Variants in SP140L observed in about 807,000 individuals in gnomAD.
SP140L encodes nuclear body protein SP140-like protein.
Under a neutral mutation model 84.3 loss-of-function variants are expected in SP140L, and 64 were observed. The ratio of observed to expected loss-of-function variants is 0.76; its 90% CI spans 0.62 to 0.94. SP140L has a LOEUF of 0.94. Ranked by LOEUF, SP140L falls within the 40% of genes least tolerant of loss-of-function variation. The probability of loss-of-function intolerance (pLI) is 0.00; values close to 1 mark genes in which losing one functional copy is unlikely to be tolerated. For synonymous variants in SP140L, 242 were observed against 236.9 expected (o/e 1.02, Z -0.20); for missense variants, 628 against 692.5 (o/e 0.91, Z 1.05).
chr2:230,400,557 A>G (rs1444155975), intron 15 of SP140L: 9 of 470,978 alleles, frequency 1.9e-5, no homozygotes, highest in Non-Finnish European at 3.5e-5. Context: ...GAAAAAAAAC[A>G]CCAGTTGTTT....
In SP140L at chr2:230,357,888, T is replaced by C; in HGVS notation, c.191T>C (p.Ile64Thr). 6.2e-7 allele frequency: 1 copy of C among 1,614,078 alleles called. No individual in the cohort carries two copies. The highest frequency in any genetic ancestry group is 1.1e-5 in the South Asian group (1 of 91,074). ...FKHFKRHKLE[I>T]SNAIKKTFPF... ...CACTTCAAAAGACATAAGCTGGAGA[T>C]ATCAAATGCAATAAAAAAGACATTT... The change falls in exon 3 of 19, where the codon ATA (isoleucine) becomes ACA (threonine). Residue 64 changes from isoleucine (I) to threonine (T), a missense_variant. Physicochemically the swap from Ile to Thr is moderately conservative, Grantham distance 89 (BLOSUM62 -1). Transcript: ENST00000415673.
intron 7 of SP140L, 65 bp downstream of exon 7, chr2:230,371,716 C>G: frequency 7.3e-7 from 1 of 1,379,148 alleles, no homozygotes; most frequent in South Asian, 1.2e-5. Flanking sequence ...CCAGAGTTTT[C>G]TTTTTGTCAT....
At chr2:230,364,254 A>G (rs1001365660) in intron 5 of SP140L, among the ~76,000 whole-genome samples, 1 of 152,150 alleles carries the variant, frequency 6.6e-6, no homozygotes, top group African/African-American at 2.4e-5. Context: ...TGTGGATAGT[A>G]TGAACATGTT....
intron 14 of SP140L, among the ~76,000 whole-genome samples, chr2:230,398,400 GA>G (rs1044204305): frequency 3.3e-5 from 5 of 151,758 alleles, no homozygotes; most frequent in Non-Finnish European, 4.4e-5. Context: ...TAAGTTTGGA[GA>G]AAAAAAAGGG....
intron 5 of SP140L, 113 bp from the exon 6 acceptor site, chr2:230,370,795 A>C: frequency 1.1e-6 from 1 of 947,408 alleles, no homozygotes; most frequent in Non-Finnish European, 1.7e-6. Flanking sequence ...ACCAGGGTGC[A>C]GAAAAGAGGG....
At chr2:230,381,422 C>T (rs1055894440) in intron 7 of SP140L, among the ~76,000 whole-genome samples, 2 of 152,162 alleles carry the variant, frequency 1.3e-5, no homozygotes, top group African/African-American at 4.8e-5. Context: ...TACAGAAATG[C>T]CATGGAGAAT....
chr2:230,381,711 TACA>T (rs1450671449), intron 7 of SP140L, among the ~76,000 whole-genome samples: 3 of 147,056 alleles, frequency 2.0e-5, no homozygotes, highest in African/African-American at 7.6e-5. Flanking sequence ...CCTGTCTCTC[TACA>T]CACACACACA....
chr2:230,362,893 A>T (rs2060762493), intron 5 of SP140L, among the ~76,000 whole-genome samples: 1 of 152,192 alleles, frequency 6.6e-6, no homozygotes, highest in African/African-American at 2.4e-5. Context: ...TACAGAAAAA[A>T]AAAAAAGAAT....
At chr2:230,327,441 A>G in intron 1 of SP140L, 140 bp downstream of exon 1, 1 of 981,726 alleles carries the variant, frequency 1.0e-6, no homozygotes, top group East Asian at 2.7e-5. Flanking sequence ...ATAATGGAAT[A>G]AAAGAGAATG....
At chr2:230,384,196 C>A (rs756034126) in intron 8 of SP140L, among the ~76,000 whole-genome samples, 4 of 151,884 alleles carry the variant, frequency 2.6e-5, no homozygotes, top group African/African-American at 9.7e-5. Context: ...AAATCTTCAA[C>A]TTTTATAATG....
rs1317558599 is a variant in SP140L at position 230,338,699 on chromosome 2, G to A, written c.107+9868G>A. 3.9e-4 allele frequency among the ~76,000 whole-genome samples: 47 copies of A among 121,896 alleles called. 3 individuals are homozygous for A. Among genetic ancestry groups the A allele is most frequent in the Admixed American group, 3.3e-3 (40 of 12,052 alleles). The allele number at this position is 121,896 out of a possible 152,430, so 80.0% of individuals were successfully genotyped here. On this transcript the variant is annotated intron_variant, in intron 2 of 18. Transcript: ENST00000415673. Reference sequence around the variant, plus strand: ...ATACCTAATTTATTGAGAGTTTTTAGCATGAAGAGTTGTTGAATTTTGTCA... The same window carrying A: ...ATACCTAATTTATTGAGAGTTTTTAACATGAAGAGTTGTTGAATTTTGTCA...
rs577192590 is a variant in SP140L at position 230,398,194 on chromosome 2, G to C, written c.1197+1396G>C. Among the ~76,000 whole-genome samples the C allele has an allele frequency of 1.4e-4, 22 of 152,262 alleles. No individual in the cohort carries two copies. The South Asian group carries it at 4.4e-3, about 30-fold the overall frequency. Reference sequence around the variant, plus strand: ...TTTTTCAAGGTCCCCAGATGATGCTGATACATAGAATTGCCTATTCTGTCA... The same window carrying C: ...TTTTTCAAGGTCCCCAGATGATGCTCATACATAGAATTGCCTATTCTGTCA... On this transcript the variant is annotated intron_variant, in intron 14 of 18. Coordinates refer to ENST00000415673, the MANE Select transcript of SP140L (RefSeq NM_138402.6).
intron 5 of SP140L, among the ~76,000 whole-genome samples, chr2:230,366,982 C>T (rs2060900356): frequency 6.6e-6 from 1 of 152,002 alleles, no homozygotes; most frequent in Admixed American, 6.5e-5. Flanking sequence ...TCCACCTCGG[C>T]CTCCCAAAGT....
intron 12 of SP140L, among the ~76,000 whole-genome samples, chr2:230,393,212 C>A (rs1392817377): frequency 6.6e-6 from 1 of 152,120 alleles, no homozygotes; most frequent in East Asian, 1.9e-4. Context: ...GGAAAATGGT[C>A]CTGAAAATGA....
intron 18 of SP140L, 40 bp downstream of exon 18, chr2:230,401,847 C>T (rs1472864030): frequency 6.3e-7 from 1 of 1,580,184 alleles, no homozygotes; most frequent in Admixed American, 1.9e-5. Flanking sequence ...TTCTTTCCAT[C>T]CTTCCCCTCA....
chr2:230,350,838 CA>C (rs2060341647), intron 2 of SP140L, among the ~76,000 whole-genome samples: 1 of 151,992 alleles, frequency 6.6e-6, no homozygotes, highest in Non-Finnish European at 1.5e-5. Flanking sequence ...CAAAAAGAGA[CA>C]AGGAAATTAG....
Position 230,348,075 on chromosome 2 carries a change from G to C in SP140L, c.108-9730G>C, listed in dbSNP as rs542919215. On this transcript the variant is annotated intron_variant, in intron 2 of 18. Coordinates refer to ENST00000415673, the MANE Select transcript of SP140L (RefSeq NM_138402.6). ...GTAGCACAGAATGCTACAGAAGCTG[G>C]ATGTCCTCCTCAGGCTCTCTTTTCC... is the stretch of plus-strand genomic sequence containing the variant. Among the ~76,000 whole-genome samples, 3 of 152,318 alleles carry C rather than the reference G, an allele frequency of 2.0e-5. No individual in the cohort carries two copies. In the South Asian group the frequency reaches 6.2e-4, roughly 32 times the overall value.
At chr2:230,357,722 T>G (rs2060590533) in intron 2 of SP140L, 83 bp from the exon 3 acceptor site, 1 of 1,377,610 alleles carries the variant, frequency 7.3e-7, no homozygotes, top group African/African-American at 1.5e-5. Context: ...TCATAGCTTA[T>G]CCGTTATACA....
chr2:230,352,445 T>C (rs1436678139), intron 2 of SP140L, among the ~76,000 whole-genome samples: 1 of 151,742 alleles, frequency 6.6e-6, no homozygotes, highest in Non-Finnish European at 1.5e-5. Context: ...AGAGAGGGAG[T>C]GAGAGACAGC....
Sources: gnomAD v4.1 joint callset for allele counts (sites outside exome capture counted in the v4.1 genomes callset) on GRCh38, gnomAD v4.1.1 for gene constraint, MANE v1.5 for transcripts, NCBI Gene and HGNC (gene_info 2026-07-23, HGNC 2026-07-21) for gene names.